Variants in SMYD3 observed in about 807,000 individuals in gnomAD.
The protein encoded by SMYD3 is SET and MYND domain containing 3, also known as histone-lysine N-methyltransferase SMYD3.
SMYD3 carries 36 observed loss-of-function variants against 57.7 expected under a neutral mutation model. That is an observed-to-expected ratio of 0.62 (90% confidence interval 0.48 to 0.82). The LOEUF (loss-of-function observed/expected upper bound fraction) is 0.82, where lower values mean the gene tolerates loss of function less well. Among genes scored for constraint, SMYD3 ranks in the 40% least tolerant of loss-of-function variants. The pLI is 0.00. For synonymous variants in SMYD3, 211 were observed against 195.0 expected (o/e 1.08, Z -0.68); for missense variants, 515 against 538.8 (o/e 0.96, Z 0.44).
At chr1:246,298,150 T>C (rs1363139061) in intron 5 of SMYD3, among the ~76,000 whole-genome samples, 5 of 151,840 alleles carry the variant, frequency 3.3e-5, no homozygotes, top group Admixed American at 3.3e-4. Flanking sequence ...ACAGTGCCAC[T>C]TGTCAACAGC....
At chr1:245,898,476 C>T (rs1362972134) in intron 8 of SMYD3, among the ~76,000 whole-genome samples, 2 of 152,134 alleles carry the variant, frequency 1.3e-5, no homozygotes, top group African/African-American at 2.4e-5. Flanking sequence ...TGAATGGCAA[C>T]CTATGAGTAT....
chr1:245,858,413 A>G, intron 10 of SMYD3, 83 bp downstream of exon 10: 1 of 1,384,128 alleles, frequency 7.2e-7, no homozygotes, highest in South Asian at 1.5e-5. Flanking sequence ...CAAAGTAGTA[A>G]TCAGAATGAC....
chr1:246,266,445 G>A (rs957200077), intron 5 of SMYD3, among the ~76,000 whole-genome samples: 18 of 150,998 alleles, frequency 1.2e-4, no homozygotes, highest in African/African-American at 4.1e-4. Flanking sequence ...GAATGTTTTG[G>A]TATGCCGATA....
At chr1:246,063,164 G>C (rs910898816) in intron 5 of SMYD3, among the ~76,000 whole-genome samples, 2 of 152,188 alleles carry the variant, frequency 1.3e-5, no homozygotes, top group Non-Finnish European at 2.9e-5. Context: ...AAGTCAGCAA[G>C]GGGAAAGGCA....
At chr1:245,826,605 T>A (rs2049508925) in intron 10 of SMYD3, among the ~76,000 whole-genome samples, 1 of 152,198 alleles carries the variant, frequency 6.6e-6, no homozygotes, top group Admixed American at 6.5e-5. Flanking sequence ...GTTGCTTCCT[T>A]AAAACTCTCT....
intron 5 of SMYD3, among the ~76,000 whole-genome samples, chr1:246,185,788 C>A (rs1053630870): frequency 3.3e-5 from 5 of 152,072 alleles, no homozygotes; most frequent in Admixed American, 2.6e-4. Flanking sequence ...ATTACAAACA[C>A]CAAAGTATCT....
chr1:246,013,145 T>A (rs897773629), intron 5 of SMYD3, among the ~76,000 whole-genome samples: 1 of 152,182 alleles, frequency 6.6e-6, no homozygotes, highest in Non-Finnish European at 1.5e-5. Flanking sequence ...TCATTCAATA[T>A]CTATAGCTCA....
At chr1:245,838,029 G>A (rs1572478785) in intron 10 of SMYD3, among the ~76,000 whole-genome samples, 2 of 152,278 alleles carry the variant, frequency 1.3e-5, no homozygotes, top group South Asian at 4.1e-4. Context: ...TATGATCTCT[G>A]ACTTTTTTTT....
intron 1 of SMYD3, among the ~76,000 whole-genome samples, chr1:246,399,882 G>C (rs1369004642): frequency 3.3e-5 from 5 of 152,136 alleles, no homozygotes; most frequent in Non-Finnish European, 5.9e-5. Context: ...CATAGAAATT[G>C]AGTCTGATCT....
intron 1 of SMYD3, among the ~76,000 whole-genome samples, chr1:246,357,882 C>T (rs1211195594): frequency 6.6e-6 from 1 of 152,086 alleles, no homozygotes; most frequent in Non-Finnish European, 1.5e-5. Context: ...TTTCACAGGA[C>T]CTACATAACA....
intron 1 of SMYD3, among the ~76,000 whole-genome samples, chr1:246,358,887 A>G (rs779070073): frequency 5.3e-5 from 8 of 152,222 alleles, no homozygotes; most frequent in Non-Finnish European, 1.2e-4. Context: ...TAGACAATCT[A>G]AGGCTACACC....
chr1:245,848,344 T>G (rs886555928), intron 10 of SMYD3, among the ~76,000 whole-genome samples: 2 of 151,992 alleles, frequency 1.3e-5, no homozygotes, highest in Admixed American at 1.3e-4. Flanking sequence ...CTGGTCCCAA[T>G]CCTGGGCTCA....
chr1:246,105,532 GC>G (rs1159298706), intron 5 of SMYD3, among the ~76,000 whole-genome samples: 4 of 152,118 alleles, frequency 2.6e-5, no homozygotes, highest in African/African-American at 9.7e-5. Flanking sequence ...GCCCTGTGCT[GC>G]CCCAACCTGC....
intron 5 of SMYD3, among the ~76,000 whole-genome samples, chr1:245,998,662 A>G (rs564123075): frequency 7.2e-5 from 11 of 152,312 alleles, no homozygotes; most frequent in African/African-American, 2.4e-4. Flanking sequence ...TTCTCGGTAT[A>G]TGCCCAAAGC....
At chr1:246,063,935 C>T (rs1037256140) in intron 5 of SMYD3, among the ~76,000 whole-genome samples, 3 of 152,158 alleles carry the variant, frequency 2.0e-5, no homozygotes, top group African/African-American at 7.2e-5. Context: ...CCACCACGCC[C>T]AGCCCAGGTC....
At position 246,507,265 on chromosome 1, in the gene SMYD3, G is replaced by A. The variant is rs1344940727; in HGVS notation, c.-48C>T. 2.8e-6 allele frequency: 4 copies of A among 1,448,608 alleles called. No individual in the cohort carries two copies. The highest frequency in any genetic ancestry group is 2.5e-5 in the Admixed American group (1 of 39,520). 89.7% of individuals were successfully genotyped at this position (1,448,608 alleles called of 1,614,324 possible). A position where few individuals can be genotyped will look rare whatever the true frequency, so the allele number is the denominator to read the frequency against. ...AGACGGCTACCCGCGTCCAGCAGCG[G>A]GCGTCTCACGGGCTGCCGGGACCCG... On this transcript the variant is annotated 5_prime_UTR_variant, in exon 1 of 12. Coordinates refer to ENST00000490107, the MANE Select transcript of SMYD3 (RefSeq NM_001167740.2).
At chr1:246,180,523 C>T (rs534806871) in intron 5 of SMYD3, among the ~76,000 whole-genome samples, 15 of 149,760 alleles carry the variant, frequency 1.0e-4, no homozygotes, top group East Asian at 9.8e-4. Flanking sequence ...TTTAGGAGGC[C>T]GAGGCAGGTG....
intron 5 of SMYD3, among the ~76,000 whole-genome samples, chr1:246,250,740 C>A (rs537982883): frequency 2.0e-5 from 3 of 152,266 alleles, no homozygotes; most frequent in East Asian, 3.9e-4. Flanking sequence ...AAACTTTGGA[C>A]AATAAATACT....
chr1:246,372,849 A>G (rs554379128), intron 1 of SMYD3, among the ~76,000 whole-genome samples: 2 of 152,312 alleles, frequency 1.3e-5, no homozygotes, highest in South Asian at 4.1e-4. Flanking sequence ...CATTTTCCAT[A>G]AAGTTTGGAG....
Sources: gnomAD v4.1 joint callset for allele counts (sites outside exome capture counted in the v4.1 genomes callset) on GRCh38, gnomAD v4.1.1 for gene constraint, MANE v1.5 for transcripts, NCBI Gene and HGNC (gene_info 2026-07-23, HGNC 2026-07-21) for gene names.